The following ZNF521 variants were observed in gnomAD, a reference collection of about 807,000 sequenced individuals.
ZNF521 encodes the protein LYST-interacting protein 3.
A neutral mutation model predicts 105.5 loss-of-function variants in ZNF521; 14 were observed. That is an observed-to-expected ratio of 0.13 (90% CI 0.09 to 0.21). ZNF521 has a LOEUF of 0.21. ZNF521 is among the 10% of genes least tolerant of loss of function. The pLI, the probability that ZNF521 is intolerant of heterozygous loss-of-function variation, is 1.00. For synonymous variants in ZNF521, 635 were observed against 606.0 expected (o/e 1.05, Z -0.70); for missense variants, 1,233 against 1,629.7 (o/e 0.76, Z 4.19).
intron 3 of ZNF521, among the ~76,000 whole-genome samples, chr18:25,239,137 T>C (rs1486383467): frequency 9.9e-5 from 15 of 152,220 alleles, no homozygotes. Flanking sequence ...TAGATCACTA[T>C]ATTCTTTGCC....
At chr18:25,332,845 G>A (rs1913655686) in intron 2 of ZNF521, among the ~76,000 whole-genome samples, 1 of 152,046 alleles carries the variant, frequency 6.6e-6, no homozygotes, top group Non-Finnish European at 1.5e-5. Flanking sequence ...ATAAAGACAC[G>A]AGTGCCATTA....
intron 5 of ZNF521, among the ~76,000 whole-genome samples, chr18:25,152,352 A>G (rs1169691190): frequency 1.3e-5 from 2 of 151,818 alleles, no homozygotes; most frequent in African/African-American, 4.8e-5. Context: ...GGTGGCGCAC[A>G]CCTGTGGTCC....
At position 25,142,270 on chromosome 18, in the gene ZNF521, T is replaced by C. The variant is rs542207661; in HGVS notation, c.3659-50189A>G. On this transcript the variant is annotated intron_variant, in intron 5 of 7. Coordinates refer to ENST00000361524, the MANE Select transcript of ZNF521 (RefSeq NM_015461.3). ...AGTTCTCTCATCCATCTCTGGCTAC[T>C]ACCAAGCTCAGGCAGCTCACCAGGC... Among the ~76,000 whole-genome samples, 188 of 152,298 alleles carry C rather than the reference T, an allele frequency of 1.2e-3. 3 individuals carry two copies. In the Middle Eastern group the frequency reaches 0.017, roughly 14 times the overall value.
intron 4 of ZNF521, among the ~76,000 whole-genome samples, chr18:25,197,985 A>G (rs1477241445): frequency 6.6e-6 from 1 of 151,918 alleles, no homozygotes; most frequent in Non-Finnish European, 1.5e-5. Context: ...ACAACAAAAA[A>G]AGTCAAGTGA....
intron 4 of ZNF521, among the ~76,000 whole-genome samples, chr18:25,220,147 G>A (rs553378538): frequency 1.3e-4 from 20 of 152,354 alleles, no homozygotes; most frequent in East Asian, 5.8e-4. Flanking sequence ...GCCACAGGGC[G>A]TTCACAGAGG....
chr18:25,350,877 G>T, intron 2 of ZNF521, 30 bp downstream of exon 2: 3 of 1,546,388 alleles, frequency 1.9e-6, no homozygotes, highest in East Asian at 2.5e-5. Flanking sequence ...GCGGATGGGG[G>T]AAAGCGGGGA....
At chr18:25,341,576 T>C (rs1007438442) in intron 2 of ZNF521, among the ~76,000 whole-genome samples, 7 of 152,228 alleles carry the variant, frequency 4.6e-5, no homozygotes, top group Non-Finnish European at 8.8e-5. Flanking sequence ...TTGTGCTTAG[T>C]TGTTTCAGTT....
chr18:25,180,524 A>G (rs556246173), intron 5 of ZNF521, among the ~76,000 whole-genome samples: 1 of 150,992 alleles, frequency 6.6e-6, no homozygotes, highest in African/African-American at 2.4e-5. Flanking sequence ...AAAAAAAAAA[A>G]CCCCACATTT....
intron 2 of ZNF521, among the ~76,000 whole-genome samples, chr18:25,347,289 A>G (rs563367016): frequency 4.3e-4 from 65 of 152,310 alleles, no homozygotes; most frequent in African/African-American, 1.5e-3. Flanking sequence ...CATGCCTCTA[A>G]TAACTGGCTT....
rs150713309 is a variant in ZNF521, at chr18:25,223,761, A to G, written c.3573+584T>C. On this transcript the variant is annotated intron_variant, in intron 4 of 7. Transcript: ENST00000361524. ...CCTCAAACTCAGGGATAGTGTCTTT[A>G]AACAGAATAATGGGCATGTGGTGCT... Among the ~76,000 whole-genome samples, 569 of 151,998 alleles carry G rather than the reference A, an allele frequency of 3.7e-3. 3 individuals are homozygous for G. Among genetic ancestry groups the G allele is most frequent in the Non-Finnish European group, 6.9e-3 (467 of 67,972 alleles).
At chr18:25,066,297 C>T (rs1332581776) in intron 7 of ZNF521, among the ~76,000 whole-genome samples, 1 of 152,130 alleles carries the variant, frequency 6.6e-6, no homozygotes, top group African/African-American at 2.4e-5. Flanking sequence ...GAAACAACCC[C>T]GCCATGGGAT....
At chr18:25,267,422 C>T (rs568754117) in intron 3 of ZNF521, among the ~76,000 whole-genome samples, 1 of 152,318 alleles carries the variant, frequency 6.6e-6, no homozygotes, top group Admixed American at 6.5e-5. Context: ...AGCATTCGAG[C>T]TCTGATAAGG....
chr18:25,078,596 G>A (rs372978215), intron 7 of ZNF521, among the ~76,000 whole-genome samples: 2 of 152,288 alleles, frequency 1.3e-5, no homozygotes, highest in African/African-American at 4.8e-5. Context: ...TGGAATAAGT[G>A]GAGTCTAAGG....
chr18:25,299,638 C>T (rs1911519433), intron 3 of ZNF521, among the ~76,000 whole-genome samples: 1 of 152,126 alleles, frequency 6.6e-6, no homozygotes, highest in South Asian at 2.1e-4. Flanking sequence ...ACTAATGCTT[C>T]TTTTATAAAT....
intron 5 of ZNF521, among the ~76,000 whole-genome samples, chr18:25,161,757 G>A (rs2035255071): frequency 6.6e-6 from 1 of 152,180 alleles, no homozygotes; most frequent in African/African-American, 2.4e-5. Context: ...GCTGACTAAT[G>A]TACAGAGAGT....
At position 25,224,728 on chromosome 18, in the gene ZNF521, G is replaced by A; in HGVS notation, c.3190C>T (p.Leu1064=). Residue 1064 remains leucine, a synonymous_variant, in exon 4 of 8, where the codon CTG becomes TTG. Coordinates refer to ENST00000361524, the MANE Select transcript of ZNF521 (RefSeq NM_015461.3). ...TTGRGQHVQK[L]YKCASCLKEF... ...TTGAGGCAAGATGCGCACTTATACA[G>A]TTTTTGGACGTGCTGGCCCCGCCCT... 1 of 1,614,018 alleles carries A rather than the reference G, an allele frequency of 6.2e-7. No individual in the cohort carries two copies. Among genetic ancestry groups the A allele is most frequent in the South Asian group, 1.1e-5 (1 of 91,086 alleles).
intron 3 of ZNF521, among the ~76,000 whole-genome samples, chr18:25,263,346 C>G (rs139991817): frequency 6.6e-6 from 1 of 151,842 alleles, no homozygotes; most frequent in Non-Finnish European, 1.5e-5. Context: ...AAAGTTAGGT[C>G]AATAACTTGC....
chr18:25,256,302 T>C (rs142788606), intron 3 of ZNF521, among the ~76,000 whole-genome samples: 2 of 151,972 alleles, frequency 1.3e-5, no homozygotes, highest in African/African-American at 4.8e-5. Flanking sequence ...AGTTTCAGTT[T>C]TGCAAGATGA....
intron 3 of ZNF521, among the ~76,000 whole-genome samples, chr18:25,285,208 G>A (rs752670272): frequency 2.0e-5 from 3 of 152,082 alleles, no homozygotes; most frequent in Non-Finnish European, 4.4e-5. Context: ...CAGCTTCTCC[G>A]AATTCAGGTA....
Sources: gnomAD v4.1 joint callset for allele counts (sites outside exome capture counted in the v4.1 genomes callset) on GRCh38, gnomAD v4.1.1 for gene constraint, MANE v1.5 for transcripts, NCBI Gene and HGNC (gene_info 2026-07-23, HGNC 2026-07-21) for gene names.